Variants in SLC25A26 observed in about 807,000 individuals in gnomAD.
SLC25A26 encodes the protein mitochondrial S-adenosylmethionine carrier protein.
SLC25A26 carries 36 observed loss-of-function variants against 37.8 expected under a neutral mutation model. The observed-to-expected ratio is 0.95, with a 90% CI of 0.73 to 1.26. The LOEUF is 1.26. Among genes scored for constraint, SLC25A26 ranks in the 50% most tolerant of loss-of-function variants. The pLI is 0.00. For synonymous variants in SLC25A26, 129 were observed against 122.5 expected (o/e 1.05, Z -0.35); for missense variants, 390 against 331.1 (o/e 1.18, Z -1.38).
At chr3:66,159,367 C>T (rs138825628) in intron 1 of SLC25A26, among the ~76,000 whole-genome samples, 3 of 152,302 alleles carry the variant, frequency 2.0e-5, no homozygotes, top group African/African-American at 7.2e-5. Context: ...CATTTTCCCA[C>T]CAAGCCTGGT....
At chr3:66,292,779 C>T (rs779359229) in intron 5 of SLC25A26, among the ~76,000 whole-genome samples, 5 of 151,978 alleles carry the variant, frequency 3.3e-5, no homozygotes, top group South Asian at 2.1e-4. Context: ...TGCTCTTTCT[C>T]GAGGAGTATC....
intron 1 of SLC25A26, among the ~76,000 whole-genome samples, chr3:66,214,010 A>G (rs1281944652): frequency 6.6e-6 from 1 of 152,210 alleles, no homozygotes; most frequent in African/African-American, 2.4e-5. Context: ...TCAGTAATGC[A>G]AAAATCCCCA....
At chr3:66,257,277 A>C (rs1050081929) in intron 3 of SLC25A26, among the ~76,000 whole-genome samples, 4 of 152,222 alleles carry the variant, frequency 2.6e-5, no homozygotes, top group African/African-American at 9.6e-5. Context: ...CAAGTCAAGT[A>C]AGAAAAATTA....
intron 5 of SLC25A26, among the ~76,000 whole-genome samples, chr3:66,311,120 G>C (rs1015595900): frequency 6.6e-6 from 1 of 152,004 alleles, no homozygotes; most frequent in African/African-American, 2.4e-5. Context: ...TGTCACTTTC[G>C]GGTACACCAA....
intron 1 of SLC25A26, among the ~76,000 whole-genome samples, chr3:66,202,999 A>G (rs1374766670): frequency 6.6e-6 from 1 of 152,214 alleles, no homozygotes; most frequent in Non-Finnish European, 1.5e-5. Context: ...TTAAATGGTT[A>G]AGTTTTATAA....
chr3:66,330,767 A>G (rs2075956140), intron 5 of SLC25A26, among the ~76,000 whole-genome samples: 2 of 152,100 alleles, frequency 1.3e-5, no homozygotes. Context: ...TTCTGTCTAT[A>G]AATTTTTTAA....
At chr3:66,262,030 A>C in intron 3 of SLC25A26, 21 bp from the exon 4 acceptor site, 1 of 1,421,380 alleles carries the variant, frequency 7.0e-7, no homozygotes, top group Admixed American at 2.1e-5. Context: ...TTTTTAGGAT[A>C]TAATCAAATT....
At chr3:66,323,697 C>T (rs536727389) in intron 5 of SLC25A26, among the ~76,000 whole-genome samples, 13 of 152,192 alleles carry the variant, frequency 8.5e-5, no homozygotes, top group Admixed American at 7.9e-4. Context: ...GCCTGTAGTC[C>T]CAGCCATTTG....
intron 9 of SLC25A26, among the ~76,000 whole-genome samples, chr3:66,372,749 C>A (rs1248898174): frequency 6.6e-6 from 1 of 152,146 alleles, no homozygotes; most frequent in African/African-American, 2.4e-5. Context: ...ACAGAAAAAC[C>A]TGGGTGGCTG....
chr3:66,174,018 G>T (rs924816393), intron 1 of SLC25A26, among the ~76,000 whole-genome samples: 6 of 151,296 alleles, frequency 4.0e-5, no homozygotes, highest in Admixed American at 1.3e-4. Flanking sequence ...GTGCCACTGC[G>T]CTCCAGCCTA....
intron 5 of SLC25A26, among the ~76,000 whole-genome samples, chr3:66,330,686 A>C (rs1204337447): frequency 6.6e-6 from 1 of 152,020 alleles, no homozygotes; most frequent in Non-Finnish European, 1.5e-5. Flanking sequence ...GAATACACGA[A>C]GTTTGTAAAC....
At chr3:66,311,446 A>T (rs184141732) in intron 5 of SLC25A26, among the ~76,000 whole-genome samples, 1 of 151,990 alleles carries the variant, frequency 6.6e-6, no homozygotes, top group Admixed American at 6.5e-5. Context: ...ATGCTCCTTT[A>T]GCTCCGAGGA....
At chr3:66,182,729 T>A (rs1187123068) in intron 1 of SLC25A26, among the ~76,000 whole-genome samples, 3 of 31,002 alleles carry the variant, frequency 9.7e-5, no homozygotes, top group African/African-American at 2.6e-4. Context: ...GGGGGGGGGG[T>A]GGGGTATCAG....
chr3:66,282,306 C>T (rs184605425), intron 5 of SLC25A26, among the ~76,000 whole-genome samples: 61 of 152,220 alleles, frequency 4.0e-4, no homozygotes, highest in Non-Finnish European at 5.7e-4. Context: ...CCACCGCGCC[C>T]GGCCTGATTT....
At chr3:66,198,597 A>G (rs2071074543) in intron 1 of SLC25A26, among the ~76,000 whole-genome samples, 1 of 150,786 alleles carries the variant, frequency 6.6e-6, no homozygotes, top group Non-Finnish European at 1.5e-5. Context: ...CATTACTCTC[A>G]CCCAGACACT....
chr3:66,337,900 C>T (rs762768285), intron 5 of SLC25A26, among the ~76,000 whole-genome samples: 2 of 151,934 alleles, frequency 1.3e-5, no homozygotes, highest in Non-Finnish European at 2.9e-5. Context: ...TTTTACAGTA[C>T]ATTTTTAGGT....
intron 5 of SLC25A26, among the ~76,000 whole-genome samples, chr3:66,301,013 C>T (rs1399236115): frequency 1.3e-5 from 2 of 152,112 alleles, no homozygotes; most frequent in Non-Finnish European, 2.9e-5. Flanking sequence ...AAAGTCTATG[C>T]ATTTTTATAA....
chr3:66,257,927 G>A (rs748546429), intron 3 of SLC25A26, among the ~76,000 whole-genome samples: 8 of 152,162 alleles, frequency 5.3e-5, no homozygotes, highest in Non-Finnish European at 7.3e-5. Flanking sequence ...CTCTTGATGC[G>A]TTGCTCTGCC....
chr3:66,314,909 A>C (rs568206742), intron 5 of SLC25A26, among the ~76,000 whole-genome samples: 1 of 151,486 alleles, frequency 6.6e-6, no homozygotes, highest in Admixed American at 6.6e-5. Flanking sequence ...GTTTGTTTGC[A>C]TTGAGGTGTT....
Sources: gnomAD v4.1 joint callset for allele counts (sites outside exome capture counted in the v4.1 genomes callset) on GRCh38, gnomAD v4.1.1 for gene constraint, MANE v1.5 for transcripts, NCBI Gene and HGNC (gene_info 2026-07-23, HGNC 2026-07-21) for gene names.